Variants in FNDC3A observed in about 807,000 individuals in gnomAD.
FNDC3A encodes the protein fibronectin type III domain containing 3A.
A neutral mutation model predicts 148.9 loss-of-function variants in FNDC3A; 32 were observed. That is an observed-to-expected ratio of 0.21 (90% CI 0.16 to 0.29). The LOEUF is 0.29. FNDC3A is among the 10% of genes least tolerant of loss of function. The probability of loss-of-function intolerance (pLI) is 1.00; values close to 1 mark genes in which losing one functional copy is unlikely to be tolerated. For synonymous variants in FNDC3A, 472 were observed against 473.6 expected (o/e 1.00, Z 0.04); for missense variants, 1,191 against 1,452.8 (o/e 0.82, Z 2.93).
At chr13:49,160,845 A>C (rs556688958) in intron 8 of FNDC3A, among the ~76,000 whole-genome samples, 1 of 151,826 alleles carries the variant, frequency 6.6e-6, no homozygotes, top group Non-Finnish European at 1.5e-5. Context: ...GTTTCAAAAA[A>C]CATCTTTATT....
chr13:48,996,356 A>G (rs1218061464), intron 1 of FNDC3A, among the ~76,000 whole-genome samples: 1 of 152,190 alleles, frequency 6.6e-6, no homozygotes, highest in Non-Finnish European at 1.5e-5. Context: ...TCAGCCTTCC[A>G]TTTTTGGGGG....
intron 3 of FNDC3A, among the ~76,000 whole-genome samples, chr13:49,092,984 T>G (rs1256488447): frequency 6.6e-6 from 1 of 152,198 alleles, no homozygotes; most frequent in African/African-American, 2.4e-5. Context: ...GAACCTGAGA[T>G]TCATAAAAAG....
intron 12 of FNDC3A, 99 bp downstream of exon 12, chr13:49,174,658 T>G: frequency 8.9e-7 from 1 of 1,122,658 alleles, no homozygotes; most frequent in Non-Finnish European, 1.3e-6. Flanking sequence ...TTAAAAATTC[T>G]GCTTAGTTTA....
chr13:49,012,423 C>G (rs960809864), intron 2 of FNDC3A, among the ~76,000 whole-genome samples: 6 of 152,092 alleles, frequency 3.9e-5, no homozygotes, highest in Non-Finnish European at 8.8e-5. Context: ...GTTTTATTAT[C>G]CCTGTGCCAA....
intron 3 of FNDC3A, among the ~76,000 whole-genome samples, chr13:49,102,955 C>T (rs771293476): frequency 1.3e-5 from 2 of 152,124 alleles, no homozygotes; most frequent in African/African-American, 2.4e-5. Context: ...TATTAACTAC[C>T]ATTCCTGAAC....
rs140536923 is a variant in FNDC3A at position 49,070,938 on chromosome 13, G to T, written c.100-4351G>T. Among the ~76,000 whole-genome samples, 9 of 109,992 alleles carry T rather than the reference G, an allele frequency of 8.2e-5. No individual in the cohort carries two copies. The East Asian group carries it at 2.2e-3, about 27-fold the overall frequency. 72.2% of individuals were successfully genotyped at this position (109,992 alleles called of 152,430 possible). A position where few individuals can be genotyped will look rare whatever the true frequency, so the allele number is the denominator to read the frequency against. ...TTTTGAGACAGGATCTCACTTCATT[G>T]CCCAGGTTGGAGTGCAGTGGTGCCA... On this transcript the variant is annotated intron_variant, in intron 2 of 25. Coordinates refer to ENST00000492622, the MANE Select transcript of FNDC3A (RefSeq NM_001079673.2).
At chr13:49,027,559 T>C (rs571945281) in intron 2 of FNDC3A, among the ~76,000 whole-genome samples, 2 of 152,308 alleles carry the variant, frequency 1.3e-5, no homozygotes, top group Non-Finnish European at 2.9e-5. Flanking sequence ...ATTAGTGTTA[T>C]AGCACAGAGG....
chr13:49,139,196 GA>G (rs1195361641), intron 7 of FNDC3A, among the ~76,000 whole-genome samples: 2 of 152,124 alleles, frequency 1.3e-5, no homozygotes, highest in Non-Finnish European at 2.9e-5. Context: ...TGACAAGTGA[GA>G]AAAAGTGCAA....
At chr13:49,180,951 G>A (rs1370204707) in intron 14 of FNDC3A, among the ~76,000 whole-genome samples, 2 of 152,024 alleles carry the variant, frequency 1.3e-5, no homozygotes, top group Middle Eastern at 3.2e-3. Context: ...GGTAGCTCAC[G>A]CTTGTAATAA....
chr13:49,058,123 G>A (rs2994381), intron 2 of FNDC3A, among the ~76,000 whole-genome samples: 48,822 of 151,858 alleles, frequency 0.32, 7,983 homozygotes, highest in South Asian at 0.48. Flanking sequence ...GCTTTATTCG[G>A]CTGGGAGCTT....
chr13:49,207,311 G>C lies in FNDC3A; in HGVS notation c.3513G>C (p.Glu1171Asp), dbSNP rs765783406. ...GGACCCGACGGGCACTGAGTGACGA[G>C]CAGTGTGCTGCCGTCATCCTTGTGC... ...STRTRRALSDEQCAAVILVLF... is the reference protein window; with the variant it reads ...STRTRRALSDDQCAAVILVLF... The change falls in exon 26 of 26, where the codon GAG becomes GAC. Residue 1171 changes from glutamate to aspartate, a missense_variant. By Grantham distance (45) the Glu-to-Asp change is conservative (BLOSUM62 2). This residue lies in a region of FNDC3A where 751 missense variants were observed against 944.0 expected (regional missense o/e 0.80). Transcript: ENST00000492622. 6.2e-7 allele frequency: 1 copy of C among 1,613,904 alleles called. No homozygotes were observed. The highest frequency in any genetic ancestry group is 2.2e-5 in the East Asian group (1 of 44,884).
At chr13:49,174,728 G>A (rs950718345) in intron 12 of FNDC3A, among the ~76,000 whole-genome samples, 169 bp downstream of exon 12, 5 of 152,170 alleles carry the variant, frequency 3.3e-5, no homozygotes, top group African/African-American at 4.8e-5. Flanking sequence ...AAGAGAGTTA[G>A]TTACATAGGA....
intron 10 of FNDC3A, among the ~76,000 whole-genome samples, chr13:49,169,459 G>A (rs1884644486): frequency 6.6e-6 from 1 of 152,146 alleles, no homozygotes; most frequent in Non-Finnish European, 1.5e-5. Context: ...AGTCCTAGAG[G>A]AAGAGAACAA....
chr13:49,045,867 C>G (rs138302285), intron 2 of FNDC3A: 98 of 317,306 alleles, frequency 3.1e-4, no homozygotes, highest in African/African-American at 1.6e-3. Context: ...CTGTTTCTTA[C>G]ACTTTAGATA....
chr13:49,042,764 C>A (rs889810943), intron 2 of FNDC3A, among the ~76,000 whole-genome samples: 2 of 151,924 alleles, frequency 1.3e-5, no homozygotes, highest in African/African-American at 4.8e-5. Flanking sequence ...GCAACAGAGA[C>A]CCTGTCTCAA....
intron 2 of FNDC3A, among the ~76,000 whole-genome samples, chr13:49,025,741 A>C (rs1316214216): frequency 6.6e-6 from 1 of 152,290 alleles, no homozygotes; most frequent in East Asian, 1.9e-4. Flanking sequence ...CTAAAGAAAA[A>C]AAAATGCAAA....
At chr13:49,112,514 TTCTC>T (rs1237840460) in intron 3 of FNDC3A, among the ~76,000 whole-genome samples, 2 of 152,200 alleles carry the variant, frequency 1.3e-5, no homozygotes, top group Admixed American at 1.3e-4. Context: ...ATTTTATTCT[TTCTC>T]TCATGTTTTT....
At chr13:49,045,203 G>A (rs746826421) in intron 2 of FNDC3A, among the ~76,000 whole-genome samples, 5 of 148,760 alleles carry the variant, frequency 3.4e-5, no homozygotes, top group South Asian at 2.1e-4. Flanking sequence ...ACTCATGCTC[G>A]AGTGTAGTGG....
At chr13:49,168,398 A>G (rs1884588154) in intron 9 of FNDC3A, among the ~76,000 whole-genome samples, 1 of 152,168 alleles carries the variant, frequency 6.6e-6, no homozygotes, top group Non-Finnish European at 1.5e-5. Flanking sequence ...TCACAGTTAT[A>G]TCACAATTTT....
Sources: allele counts gnomAD v4.1 joint callset (sites outside exome capture counted in the v4.1 genomes callset), GRCh38; gene constraint gnomAD v4.1.1; regional missense constraint gnomAD v4.1.1; transcripts MANE v1.5; gene names NCBI Gene and HGNC (gene_info 2026-07-23, HGNC 2026-07-21).